Variants in CNTNAP5 observed in about 807,000 individuals in gnomAD.
CNTNAP5 encodes contactin-associated protein-like 5.
Under a neutral mutation model 150.2 loss-of-function variants are expected in CNTNAP5, and 72 were observed. That is an observed-to-expected ratio of 0.48 (90% confidence interval 0.40 to 0.58). CNTNAP5 has a LOEUF of 0.58. Ranked by LOEUF, CNTNAP5 falls within the 20% of genes least tolerant of loss-of-function variation. The pLI is 0.00. For missense variants in CNTNAP5, 1,636 were observed against 1,626.2 expected (o/e 1.01, Z -0.10); for synonymous variants, 672 against 619.8 (o/e 1.08, Z -1.25).
At chr2:124,303,216 G>A (rs993024242) in intron 3 of CNTNAP5, among the ~76,000 whole-genome samples, 2 of 152,098 alleles carry the variant, frequency 1.3e-5, no homozygotes, top group African/African-American at 4.8e-5. Flanking sequence ...ATGGGGAGGA[G>A]GGAGGCAGAA....
At chr2:124,872,275 A>C (rs1279167453) in intron 21 of CNTNAP5, among the ~76,000 whole-genome samples, 1 of 151,854 alleles carries the variant, frequency 6.6e-6, no homozygotes, top group Non-Finnish European at 1.5e-5. Context: ...GTTATTAAAC[A>C]TTTTGTCTCT....
At chr2:124,507,458 C>CA (rs764948156) in intron 8 of CNTNAP5, among the ~76,000 whole-genome samples, 3 of 151,504 alleles carry the variant, frequency 2.0e-5, no homozygotes, top group Admixed American at 6.6e-5. Flanking sequence ...GATCCCATCT[C>CA]AAAAAAACAA....
At chr2:124,200,906 T>C (rs967467304) in intron 1 of CNTNAP5, among the ~76,000 whole-genome samples, 1 of 152,130 alleles carries the variant, frequency 6.6e-6, no homozygotes, top group Non-Finnish European at 1.5e-5. Flanking sequence ...TTGTCTTCTG[T>C]AGCAGAGCCA....
At chr2:124,293,590 A>T (rs1001963293) in intron 3 of CNTNAP5, among the ~76,000 whole-genome samples, 1 of 152,216 alleles carries the variant, frequency 6.6e-6, no homozygotes, top group African/African-American at 2.4e-5. Flanking sequence ...ATTTTTAAAT[A>T]GTTATAATTT....
intron 13 of CNTNAP5, among the ~76,000 whole-genome samples, chr2:124,718,388 A>G (rs1023955431): frequency 6.6e-6 from 1 of 152,152 alleles, no homozygotes; most frequent in African/African-American, 2.4e-5. Context: ...ATTTTTCAGT[A>G]AAGCCTATCA....
intron 16 of CNTNAP5, among the ~76,000 whole-genome samples, chr2:124,771,995 CCACCAT>C (rs1167736935): frequency 6.6e-6 from 1 of 151,682 alleles, no homozygotes; most frequent in African/African-American, 2.4e-5. Context: ...ATCACCACCA[CCACCAT>C]CACCATCATC....
intron 21 of CNTNAP5, among the ~76,000 whole-genome samples, chr2:124,875,820 C>A (rs548373742): frequency 6.6e-6 from 1 of 150,980 alleles, no homozygotes; most frequent in South Asian, 2.1e-4. Flanking sequence ...CATGGTGAGT[C>A]ATACAGAATC....
At chr2:124,290,051 C>A (rs1211214492) in intron 3 of CNTNAP5, among the ~76,000 whole-genome samples, 3 of 152,074 alleles carry the variant, frequency 2.0e-5, no homozygotes, top group African/African-American at 4.8e-5. Context: ...GTTTATAAAT[C>A]TTTGAAGACA....
intron 16 of CNTNAP5, among the ~76,000 whole-genome samples, chr2:124,769,602 C>A (rs1681146187): frequency 1.3e-5 from 2 of 152,178 alleles, no homozygotes; most frequent in African/African-American, 4.8e-5. Context: ...CTTGAGTTTG[C>A]CTTAAGGGCC....
chr2:124,255,351 C>A (rs918416546), intron 3 of CNTNAP5, among the ~76,000 whole-genome samples: 8 of 151,682 alleles, frequency 5.3e-5, no homozygotes, highest in African/African-American at 1.9e-4. Context: ...GGTGAAACTC[C>A]ATCTTTACTA....
chr2:124,804,551 A>G (rs925079312), intron 19 of CNTNAP5, among the ~76,000 whole-genome samples: 1 of 152,256 alleles, frequency 6.6e-6, no homozygotes, highest in East Asian at 1.9e-4. Context: ...ATAAGATCGG[A>G]GCCCTAATCC....
intron 19 of CNTNAP5, among the ~76,000 whole-genome samples, chr2:124,843,345 ATGCATG>A (rs1007228351): frequency 2.0e-5 from 3 of 151,430 alleles, no homozygotes; most frequent in African/African-American, 7.3e-5. Context: ...TACTATAAAC[ATGCATG>A]TGCAAGTATC....
At position 124,916,984 on chromosome 2, in the gene CNTNAP5, TCTGA is replaced by T. The variant is rs759841389; in HGVS notation, c.*2700_*2703del. 3.3e-5 allele frequency among the ~76,000 whole-genome samples: 5 copies of T among 152,110 alleles called. No homozygotes were observed. The highest frequency in any genetic ancestry group is 5.9e-5 in the Non-Finnish European group (4 of 68,000). ...ATTTACAATTAGAAATCGTGCTAAC[TCTGA>T]CTGTCTTTCCTCAGTGGTACCAAGA... On this transcript the variant is annotated 3_prime_UTR_variant, in exon 24 of 24. Transcript: ENST00000682447.
At chr2:124,870,250 TTGA>T (rs1368191283) in intron 21 of CNTNAP5, among the ~76,000 whole-genome samples, 1 of 151,932 alleles carries the variant, frequency 6.6e-6, no homozygotes, top group Non-Finnish European at 1.5e-5. Flanking sequence ...TTTTATCTAC[TTGA>T]TGAAGTGAAC....
chr2:124,805,013 C>T (rs1682052125), intron 19 of CNTNAP5, among the ~76,000 whole-genome samples: 1 of 149,374 alleles, frequency 6.7e-6, no homozygotes, highest in South Asian at 2.1e-4. Flanking sequence ...GTATGAAATA[C>T]TCTTTGTATG....
intron 8 of CNTNAP5, among the ~76,000 whole-genome samples, chr2:124,515,474 T>C (rs1694688629): frequency 6.6e-6 from 1 of 152,244 alleles, no homozygotes; most frequent in African/African-American, 2.4e-5. Context: ...TGCACTATTC[T>C]AGTCAAGGAA....
chr2:124,718,108 G>C (rs1458358182), intron 13 of CNTNAP5, among the ~76,000 whole-genome samples: 1 of 152,158 alleles, frequency 6.6e-6, no homozygotes, highest in Admixed American at 6.5e-5. Flanking sequence ...CAAATGTAAA[G>C]AGGATGACTG....
chr2:124,174,818 G>C (rs1558786996), intron 1 of CNTNAP5, among the ~76,000 whole-genome samples: 2 of 152,182 alleles, frequency 1.3e-5, no homozygotes, highest in Non-Finnish European at 2.9e-5. Context: ...TTCATGAAAG[G>C]AAGAGTCAAT....
chr2:124,654,349 G>A (rs1480796981), intron 13 of CNTNAP5, among the ~76,000 whole-genome samples: 1 of 152,120 alleles, frequency 6.6e-6, no homozygotes, highest in Non-Finnish European at 1.5e-5. Flanking sequence ...AACCAGGTAT[G>A]AATATTTTCA....
Sources: allele counts gnomAD v4.1 joint callset (sites outside exome capture counted in the v4.1 genomes callset), GRCh38; gene constraint gnomAD v4.1.1; transcripts MANE v1.5; gene names NCBI Gene and HGNC (gene_info 2026-07-23, HGNC 2026-07-21).